BICD1: variants seen among roughly 807,000 people sequenced by gnomAD.
The protein encoded by BICD1 is protein bicaudal D homolog 1.
A neutral mutation model predicts 92.5 loss-of-function variants in BICD1; 35 were observed. The ratio of observed to expected loss-of-function variants is 0.38; its 90% CI spans 0.29 to 0.50. BICD1 has a LOEUF of 0.50. Among genes scored for constraint, BICD1 ranks in the 20% least tolerant of loss-of-function variants. The pLI is 0.93. For missense variants in BICD1, 950 were observed against 1,189.8 expected (o/e 0.80, Z 2.97); for synonymous variants, 429 against 465.1 (o/e 0.92, Z 1.00).
intron 1 of BICD1, among the ~76,000 whole-genome samples, chr12:32,148,102 A>C (rs1472235713): frequency 2.3e-5 from 3 of 130,812 alleles, no homozygotes; most frequent in Non-Finnish European, 4.7e-5. Flanking sequence ...TGATGACACC[A>C]TCACACTCTA....
At chr12:32,333,413 C>CT (rs1334184111) in intron 5 of BICD1, among the ~76,000 whole-genome samples, 1 of 152,160 alleles carries the variant, frequency 6.6e-6, no homozygotes, top group Non-Finnish European at 1.5e-5. Context: ...ACAAAGTACC[C>CT]TATCCCAACA....
chr12:32,271,591 T>G (rs754751270), intron 2 of BICD1, among the ~76,000 whole-genome samples: 30 of 152,178 alleles, frequency 2.0e-4, no homozygotes, highest in Non-Finnish European at 4.0e-4. Context: ...CCAGTCAGAT[T>G]GCTGCGACTG....
chr12:32,206,287 G>A (rs1664807358), intron 1 of BICD1, among the ~76,000 whole-genome samples: 1 of 152,168 alleles, frequency 6.6e-6, no homozygotes, highest in African/African-American at 2.4e-5. Context: ...CAAATAAAAA[G>A]CATTAGCCCA....
rs555129928 is a variant in BICD1, at chr12:32,182,363, A to G, written c.214-33884A>G. 1.1e-4 allele frequency among the ~76,000 whole-genome samples: 15 copies of G among 137,862 alleles called. No individual in the cohort carries two copies. In the East Asian group the frequency reaches 3.0e-3, roughly 28 times the overall value. 90.4% of individuals were successfully genotyped at this position (137,862 alleles called of 152,430 possible). ...AATGGTGCAATCTCAGCTCACTGCA[A>G]CCTCCACCTCCCGGGTCCAGGCAAT... On this transcript the variant is annotated intron_variant, in intron 1 of 9. Coordinates refer to ENST00000652176, the MANE Select transcript of BICD1 (RefSeq NM_001714.4).
chr12:32,138,131 G>A (rs940900084), intron 1 of BICD1, among the ~76,000 whole-genome samples: 5 of 152,164 alleles, frequency 3.3e-5, no homozygotes, highest in African/African-American at 1.2e-4. Flanking sequence ...GCTCGCTTGT[G>A]TTCATTGCCT....
intron 8 of BICD1, among the ~76,000 whole-genome samples, chr12:32,354,377 T>C (rs944185573): frequency 6.6e-6 from 1 of 152,204 alleles, no homozygotes; most frequent in Admixed American, 6.5e-5. Flanking sequence ...CCAGATGCTT[T>C]TTAAGATTTG....
intron 1 of BICD1, among the ~76,000 whole-genome samples, chr12:32,150,780 T>TAAAAA (rs916590366): frequency 6.6e-6 from 1 of 151,098 alleles, no homozygotes. Flanking sequence ...TCTGATATCT[T>TAAAAA]AAAAAAAAAT....
chr12:32,223,680 A>G (rs1205299343), intron 2 of BICD1, among the ~76,000 whole-genome samples: 2 of 152,118 alleles, frequency 1.3e-5, no homozygotes, highest in Admixed American at 1.3e-4. Flanking sequence ...TTCTTCAAGA[A>G]CTTTTCCTTT....
chr12:32,230,419 T>G (rs1592519462), intron 2 of BICD1, among the ~76,000 whole-genome samples: 1 of 77,286 alleles, frequency 1.3e-5, no homozygotes, highest in Non-Finnish European at 2.5e-5. Context: ...AATAAATAAA[T>G]AAATAAATAA....
chr12:32,186,387 G>T (rs1944423935), intron 1 of BICD1, among the ~76,000 whole-genome samples: 2 of 152,198 alleles, frequency 1.3e-5, no homozygotes, highest in African/African-American at 4.8e-5. Context: ...GTGGTCACAT[G>T]TGGGTAGTGG....
At chr12:32,271,990 C>T (rs1353015151) in intron 2 of BICD1, among the ~76,000 whole-genome samples, 3 of 152,280 alleles carry the variant, frequency 2.0e-5, no homozygotes, top group Admixed American at 1.3e-4. Context: ...CTTAATCTCT[C>T]TGGGCCTCAG....
chr12:32,372,516 A>T (rs1481280300), intron 9 of BICD1, among the ~76,000 whole-genome samples: 1 of 151,732 alleles, frequency 6.6e-6, no homozygotes, highest in Non-Finnish European at 1.5e-5. Context: ...CTCGGTTTAT[A>T]CATATATTCA....
At chr12:32,214,770 T>G (rs774629313) in intron 1 of BICD1, among the ~76,000 whole-genome samples, 1 of 152,204 alleles carries the variant, frequency 6.6e-6, no homozygotes, top group South Asian at 2.1e-4. Flanking sequence ...GATATTTTCT[T>G]TCTTACCTCT....
chr12:32,245,596 T>TA (rs1429108395), intron 2 of BICD1, among the ~76,000 whole-genome samples: 3 of 152,196 alleles, frequency 2.0e-5, no homozygotes, highest in African/African-American at 7.2e-5. Context: ...CCTGACAAGT[T>TA]ACGTGCCTCT....
At chr12:32,261,972 T>G (rs1337588170) in intron 2 of BICD1, among the ~76,000 whole-genome samples, 1 of 151,786 alleles carries the variant, frequency 6.6e-6, no homozygotes, top group Non-Finnish European at 1.5e-5. Flanking sequence ...GAGTGCATAC[T>G]TGGATAGAGA....
At chr12:32,315,716 A>G (rs1948480653) in intron 4 of BICD1, among the ~76,000 whole-genome samples, 1 of 152,170 alleles carries the variant, frequency 6.6e-6, no homozygotes, top group Non-Finnish European at 1.5e-5. Flanking sequence ...TTATTTAACA[A>G]TGGTGTTAAA....
At chr12:32,108,603 A>G (rs1941579967) in intron 1 of BICD1, 2 of 676,454 alleles carry the variant, frequency 3.0e-6, no homozygotes, top group Non-Finnish European at 2.7e-6. Flanking sequence ...ATTGTTTGGC[A>G]TATAATATCA....
chr12:32,305,834 A>C lies in BICD1; in HGVS notation c.717A>C (p.Lys239Asn). 2 of 1,614,252 alleles carry C rather than the reference A, an allele frequency of 1.2e-6. No homozygotes were observed. Among genetic ancestry groups the C allele is most frequent in the Non-Finnish European group, 1.7e-6 (2 of 1,180,040 alleles). The change falls in exon 4 of 10, where the codon AAA becomes AAC. Residue 239 changes from lysine (K) to asparagine (N), a missense_variant. By Grantham distance (94) the Lys-to-Asn change is moderately conservative. Coordinates refer to ENST00000652176, the MANE Select transcript of BICD1 (RefSeq NM_001714.4). ...HQLEEALETL[K>N]NEREQKNNLR... ...TGGAAGAAGCCCTCGAGACTTTAAA[A>C]AATGAAAGAGAGCAAAAGAACAACC...
chr12:32,199,317 C>CA (rs890170969), intron 1 of BICD1, among the ~76,000 whole-genome samples: 88 of 152,244 alleles, frequency 5.8e-4, no homozygotes, highest in African/African-American at 2.0e-3. Flanking sequence ...ATGGCAACTC[C>CA]ATGGTCACAG....
Sources: allele counts gnomAD v4.1 joint callset (sites outside exome capture counted in the v4.1 genomes callset), GRCh38; gene constraint gnomAD v4.1.1; transcripts MANE v1.5; gene names NCBI Gene and HGNC (gene_info 2026-07-23, HGNC 2026-07-21).